Variants in ATP6V0E1 observed in about 807,000 individuals in gnomAD.
ATP6V0E1 encodes the protein V-type proton ATPase subunit e 1.
In ATP6V0E1, 4 loss-of-function variants were observed where a neutral mutation model predicts 11.6. The observed-to-expected ratio is 0.35, with a 90% CI of 0.17 to 0.79. The LOEUF (loss-of-function observed/expected upper bound fraction) is 0.79. ATP6V0E1 is among the 30% of genes least tolerant of loss of function. The pLI is 0.54. For synonymous variants in ATP6V0E1, 36 were observed against 34.8 expected, an observed-to-expected ratio of 1.04 and a Z score of -0.13; for missense variants, 105 against 100.0, an observed-to-expected ratio of 1.05 and a Z score of -0.21.
At chr5:172,999,322 C>CTT (rs796147425) in intron 2 of ATP6V0E1, among the ~76,000 whole-genome samples, 1 of 147,274 alleles carries the variant, frequency 6.8e-6, no homozygotes. Flanking sequence ...TGTATTTCCA[C>CTT]TTTTTTTTTT....
At chr5:173,034,020 C>T (rs796814665) in intron 3 of ATP6V0E1, among the ~76,000 whole-genome samples, 3 of 152,308 alleles carry the variant, frequency 2.0e-5, no homozygotes, top group African/African-American at 7.2e-5. Flanking sequence ...GAGCCTGGCC[C>T]CAGAGCAGAG....
chr5:173,030,357 G>A (rs1348807728), intron 3 of ATP6V0E1, among the ~76,000 whole-genome samples: 1 of 151,522 alleles, frequency 6.6e-6, no homozygotes, highest in East Asian at 1.9e-4. Flanking sequence ...TATCGTTTAA[G>A]AAGAATATTC....
chr5:173,008,368 T>C (rs4566811), intron 2 of ATP6V0E1, among the ~76,000 whole-genome samples: 67,454 of 146,636 alleles, frequency 0.46, 17,864 homozygotes, highest in East Asian at 0.8. Flanking sequence ...GGCTCAATCT[T>C]GGCTCACTGC....
At chr5:173,026,851 A>G (rs1360210431) in intron 3 of ATP6V0E1, among the ~76,000 whole-genome samples, 7 of 152,206 alleles carry the variant, frequency 4.6e-5, no homozygotes, top group Non-Finnish European at 2.9e-5. Flanking sequence ...ATTGTCTTCC[A>G]TAGAGATTAT....
At chr5:173,011,365 A>G (rs1756323820) in intron 2 of ATP6V0E1, among the ~76,000 whole-genome samples, 1 of 151,692 alleles carries the variant, frequency 6.6e-6, no homozygotes, top group Non-Finnish European at 1.5e-5. Context: ...ATTTTTTTTT[A>G]TAGAGACGGG....
chr5:172,992,810 T>G (rs1178406981), intron 1 of ATP6V0E1, among the ~76,000 whole-genome samples: 3 of 152,198 alleles, frequency 2.0e-5, no homozygotes, highest in African/African-American at 7.2e-5. Context: ...ATTTATTTAT[T>G]TTTTTGAGAT....
chr5:172,996,336 G>T (rs183622105), intron 2 of ATP6V0E1, among the ~76,000 whole-genome samples: 1 of 152,130 alleles, frequency 6.6e-6, no homozygotes, highest in Admixed American at 6.6e-5. Flanking sequence ...GAGGCGGGTG[G>T]ATCACCAGGT....
Position 172,994,830 on chromosome 5 carries a change from AT to A in ATP6V0E1, c.152+14del. The A allele has an allele frequency of 2.5e-6, 4 of 1,592,230 alleles. No individual in the cohort carries two copies. The highest frequency in any genetic ancestry group is 2.2e-5 in the East Asian group (1 of 44,570). On this transcript the variant is annotated intron_variant, in intron 2 of 3. Coordinates refer to ENST00000519374, the MANE Select transcript of ATP6V0E1 (RefSeq NM_003945.4). ...AGTTTGCTGCTATCTCTTGTAAGTA[AT>A]TTTTTCTTAAGTAATTATTCTTGGT...
chr5:172,991,790 A>G (rs1429989781), intron 1 of ATP6V0E1, among the ~76,000 whole-genome samples: 1 of 152,160 alleles, frequency 6.6e-6, no homozygotes, highest in Non-Finnish European at 1.5e-5. Flanking sequence ...TACTACCTGC[A>G]CTGCTGCCAG....
rs1307953189 is a variant in ATP6V0E1, at chr5:173,020,437, A to G, written c.*36+70A>G. On this transcript the variant is annotated intron_variant, in intron 3 of 3. Coordinates refer to ENST00000519374, the MANE Select transcript of ATP6V0E1 (RefSeq NM_003945.4). ...AGAGTTTGCCTTGACTTTTTCTCAC[A>G]TTTTATGGCCATTTTAACACGTGGC... 4 of 911,828 alleles carry G rather than the reference A, an allele frequency of 4.4e-6. No homozygotes were observed. The African/African-American group carries it at 6.7e-5, about 15-fold the overall frequency. 56.5% of individuals were successfully genotyped at this position (911,828 alleles called of 1,614,324 possible). A position where few individuals can be genotyped will look rare whatever the true frequency, so the allele number is the denominator to read the frequency against.
chr5:172,993,186 T>G (rs1315409335), intron 1 of ATP6V0E1, among the ~76,000 whole-genome samples: 2 of 152,148 alleles, frequency 1.3e-5, no homozygotes, highest in Admixed American at 1.3e-4. Flanking sequence ...GAAAATCTGT[T>G]GAACGAGTAA....
In ATP6V0E1 at chr5:173,035,399, T is replaced by C. The variant is rs1039927035; in HGVS notation, c.*1037T>C. On this transcript the variant is annotated 3_prime_UTR_variant, in exon 4 of 4. Coordinates refer to ENST00000519374, the MANE Select transcript of ATP6V0E1 (RefSeq NM_003945.4). ...CATCTCGATACACTAATTTGAGAGC[T>C]TTATTACTTTTAAGAAATTAAAAAT... 3 of 152,212 alleles carry C rather than the reference T, an allele frequency of 2.0e-5. No homozygotes were observed. The highest frequency in any genetic ancestry group is 1.3e-4 in the Admixed American group (2 of 15,280). 9.4% of individuals were successfully genotyped at this position (152,212 alleles called of 1,614,324 possible).
At chr5:173,022,780 A>C (rs1199731533) in intron 3 of ATP6V0E1, among the ~76,000 whole-genome samples, 1 of 152,004 alleles carries the variant, frequency 6.6e-6, no homozygotes, top group Non-Finnish European at 1.5e-5. Flanking sequence ...CTACAGGCAC[A>C]CACCACCGTG....
chr5:173,019,687 A>T (rs1756452028), intron 2 of ATP6V0E1, among the ~76,000 whole-genome samples: 1 of 152,186 alleles, frequency 6.6e-6, no homozygotes, highest in African/African-American at 2.4e-5. Flanking sequence ...CATTCTGTTA[A>T]GTTCCACAGT....
At chr5:173,029,276 T>C (rs2113615886) in intron 3 of ATP6V0E1, among the ~76,000 whole-genome samples, 1 of 152,276 alleles carries the variant, frequency 6.6e-6, no homozygotes, top group South Asian at 2.1e-4. Flanking sequence ...AGTAAATCTT[T>C]TACTCCGAGT....
At chr5:173,023,111 C>G (rs1335876287) in intron 3 of ATP6V0E1, among the ~76,000 whole-genome samples, 1 of 152,156 alleles carries the variant, frequency 6.6e-6, no homozygotes, top group Non-Finnish European at 1.5e-5. Context: ...CCCACTTTGG[C>G]CTTCCAGAGT....
At chr5:173,003,333 C>T (rs978809240) in intron 2 of ATP6V0E1, among the ~76,000 whole-genome samples, 1 of 152,146 alleles carries the variant, frequency 6.6e-6, no homozygotes, top group African/African-American at 2.4e-5. Context: ...ATCTGCTTCT[C>T]CTCATTAAAG....
intron 3 of ATP6V0E1, among the ~76,000 whole-genome samples, chr5:173,022,584 ATCC>A (rs1474711034): frequency 6.6e-6 from 1 of 152,080 alleles, no homozygotes; most frequent in African/African-American, 2.4e-5. Context: ...GGATTAAGCA[ATCC>A]TCCTGCCCCA....
At chr5:173,000,217 C>G (rs1756132744) in intron 2 of ATP6V0E1, among the ~76,000 whole-genome samples, 3 of 152,180 alleles carry the variant, frequency 2.0e-5, no homozygotes, top group Admixed American at 1.3e-4. Context: ...TGTTTGAGCT[C>G]TGTATAAATT....
Sources: allele counts gnomAD v4.1 joint callset (sites outside exome capture counted in the v4.1 genomes callset), GRCh38; gene constraint gnomAD v4.1.1; transcripts MANE v1.5; gene names NCBI Gene and HGNC (gene_info 2026-07-23, HGNC 2026-07-21).